LPGAT1: variants seen among roughly 807,000 people sequenced by gnomAD.
LPGAT1 encodes lysophosphatidylglycerol acyltransferase 1.
Under a neutral mutation model 47.5 loss-of-function variants are expected in LPGAT1, and 11 were observed. The observed-to-expected ratio is 0.23, with a 90% confidence interval of 0.15 to 0.38. The LOEUF is 0.38. Among genes scored for constraint, LPGAT1 ranks in the 10% least tolerant of loss-of-function variants. The pLI is 1.00. For synonymous variants in LPGAT1, 138 were observed against 144.2 expected, an observed-to-expected ratio of 0.96 and a Z score of 0.31; for missense variants, 293 against 439.0, an observed-to-expected ratio of 0.67 and a Z score of 2.97.
In LPGAT1 at chr1:211,811,085, G is replaced by C. The variant is rs145017537; in HGVS notation, c.239-17895C>G. ...TCTCTTGCTGATATTTGGAAACACA[G>C]ACCCAGGCTACCATATCCTCCAATT... is the stretch of plus-strand genomic sequence containing the variant. On this transcript the variant is annotated intron_variant, in intron 2 of 7. Transcript: ENST00000366997. Among the ~76,000 whole-genome samples the C allele has an allele frequency of 7.9e-3, 1,209 of 152,322 alleles. 8 individuals are homozygous for C. The highest frequency in any genetic ancestry group is 0.014 in the Non-Finnish European group (983 of 68,026).
At chr1:211,755,557 A>T (rs1301194631) in intron 6 of LPGAT1, among the ~76,000 whole-genome samples, 5 of 151,920 alleles carry the variant, frequency 3.3e-5, no homozygotes, top group South Asian at 4.1e-4. Context: ...ACAGAAAAAA[A>T]ATAGAGGAAA....
rs752928646 is a variant in LPGAT1, at chr1:211,750,065, A to G, written c.962-15T>C. ...TGGAAAAGCTCCTAAAAGACAAGAT[A>G]GAAATATTAGTTTGTTTTACTGTAA... On this transcript the variant is annotated splice_polypyrimidine_tract_variant and intron_variant, in intron 7 of 7. Transcript: ENST00000366997. 6.2e-7 allele frequency: 1 copy of G among 1,607,596 alleles called. No individual in the cohort carries two copies. The highest frequency in any genetic ancestry group is 8.5e-7 in the Non-Finnish European group (1 of 1,177,672).
chr1:211,818,082 G>A (rs1571765508), intron 2 of LPGAT1, among the ~76,000 whole-genome samples: 3 of 152,000 alleles, frequency 2.0e-5, no homozygotes, highest in South Asian at 2.1e-4. Context: ...TGATCCACCC[G>A]CCTTGGCCTT....
chr1:211,825,186 TTC>T (rs1486150215), intron 2 of LPGAT1, among the ~76,000 whole-genome samples: 1 of 125,130 alleles, frequency 8.0e-6, no homozygotes, highest in East Asian at 2.3e-4. Flanking sequence ...ATGCACAGTC[TTC>T]TTTTTTTTTT....
chr1:211,824,135 C>G (rs546272004), intron 2 of LPGAT1, among the ~76,000 whole-genome samples: 1 of 152,048 alleles, frequency 6.6e-6, no homozygotes, highest in Admixed American at 6.5e-5. Context: ...TGGCTCACCA[C>G]GCCTGTAATC....
chr1:211,825,967 A>AG, intron 2 of LPGAT1, among the ~76,000 whole-genome samples: 1 of 152,342 alleles, frequency 6.6e-6, no homozygotes, highest in East Asian at 1.9e-4. Flanking sequence ...CTCAAAAAAA[A>AG]AAAGGAAAAT....
At chr1:211,783,557 A>G (rs1658727416) in intron 4 of LPGAT1, 55 bp from the exon 5 acceptor site, 1 of 1,466,448 alleles carries the variant, frequency 6.8e-7, no homozygotes, top group Non-Finnish European at 9.2e-7. Flanking sequence ...TTAAAATGCC[A>G]TAAAATTAAA....
intron 3 of LPGAT1, among the ~76,000 whole-genome samples, chr1:211,788,359 C>T (rs1658971061): frequency 6.6e-6 from 1 of 152,040 alleles, no homozygotes; most frequent in South Asian, 2.1e-4. Context: ...ATATTGAGGG[C>T]AGAAGACTTT....
chr1:211,824,492 CA>C (rs1005909198), intron 2 of LPGAT1, among the ~76,000 whole-genome samples: 1 of 152,132 alleles, frequency 6.6e-6, no homozygotes, highest in Non-Finnish European at 1.5e-5. Context: ...AAGGAAGATC[CA>C]TCAAGTGGGC....
intron 2 of LPGAT1, among the ~76,000 whole-genome samples, chr1:211,799,969 C>T (rs949273543): frequency 2.0e-5 from 3 of 152,082 alleles, no homozygotes; most frequent in African/African-American, 7.2e-5. Flanking sequence ...ATCTCTAAGT[C>T]CAGTGGACTC....
chr1:211,816,163 T>A (rs889160410), intron 2 of LPGAT1, among the ~76,000 whole-genome samples: 3 of 152,054 alleles, frequency 2.0e-5, no homozygotes, highest in Admixed American at 6.6e-5. Flanking sequence ...ATTTCAGTGT[T>A]CCTTTCTCAA....
chr1:211,787,437 G>A (rs1274988444), intron 4 of LPGAT1, among the ~76,000 whole-genome samples, 195 bp downstream of exon 4: 2 of 148,510 alleles, frequency 1.3e-5, no homozygotes, highest in Non-Finnish European at 3.0e-5. Context: ...ACAGTGAGCC[G>A]AGATGGTGCC....
chr1:211,823,333 A>T (rs952169162), intron 2 of LPGAT1, among the ~76,000 whole-genome samples: 3 of 152,220 alleles, frequency 2.0e-5, no homozygotes, highest in Admixed American at 1.3e-4. Flanking sequence ...TAGCTAATAT[A>T]ATCACCACAA....
chr1:211,829,516 T>A, intron 1 of LPGAT1, 193 bp from the exon 2 acceptor site: 1 of 1,422,804 alleles, frequency 7.0e-7, no homozygotes, highest in Non-Finnish European at 9.1e-7. Context: ...CCGCACAAGG[T>A]CAAGGGAGCT....
chr1:211,770,139 T>G (rs1314293105), intron 6 of LPGAT1, among the ~76,000 whole-genome samples: 2 of 152,236 alleles, frequency 1.3e-5, no homozygotes, highest in Non-Finnish European at 2.9e-5. Context: ...CCTCTACTAA[T>G]GGACATTTAG....
At position 211,743,993 on chromosome 1, in the gene LPGAT1, A is replaced by G. The variant is rs1383890242; in HGVS notation, c.*5906T>C. On this transcript the variant is annotated 3_prime_UTR_variant, in exon 8 of 8. Transcript: ENST00000366997. The stretch of plus-strand genomic sequence containing the variant: ...CTATACCACAGTTTACTTAGCTTTG[A>G]GAAATGAAAAGTATAAAGACAACTT... 1 of 152,224 alleles carries G rather than the reference A, an allele frequency of 6.6e-6. No homozygotes were observed. Among genetic ancestry groups the G allele is most frequent in the Non-Finnish European group, 1.5e-5 (1 of 68,036 alleles). 9.4% of individuals were successfully genotyped at this position (152,224 alleles called of 1,614,324 possible).
At chr1:211,770,533 C>T (rs377412369) in intron 6 of LPGAT1, among the ~76,000 whole-genome samples, 1 of 152,156 alleles carries the variant, frequency 6.6e-6, no homozygotes, top group Non-Finnish European at 1.5e-5. Flanking sequence ...CAGTCAACGA[C>T]GGACTGCATA....
intron 3 of LPGAT1, among the ~76,000 whole-genome samples, 193 bp downstream of exon 3, chr1:211,792,879 T>C (rs189356394): frequency 8.5e-5 from 13 of 152,084 alleles, no homozygotes; most frequent in African/African-American, 2.7e-4. Context: ...GCCCAGCTAA[T>C]TTCTGTATTT....
Position 211,751,853 on chromosome 1 carries a change from C to T in LPGAT1, c.855-786G>A, listed in dbSNP as rs368509705. 7.9e-5 allele frequency among the ~76,000 whole-genome samples: 12 copies of T among 152,134 alleles called. No individual in the cohort carries two copies. The East Asian group carries it at 9.6e-4, about 12-fold the overall frequency. On this transcript the variant is annotated intron_variant, in intron 6 of 7. Coordinates refer to ENST00000366997, the MANE Select transcript of LPGAT1 (RefSeq NM_014873.3). Reference sequence around the variant, plus strand: ...AAAATGGGAGTCCTGTCCCTCTTCCCTTCATTTCTGCCCTCCCCAGAATTG... The same window carrying T: ...AAAATGGGAGTCCTGTCCCTCTTCCTTTCATTTCTGCCCTCCCCAGAATTG...
Sources: allele counts gnomAD v4.1 joint callset (sites outside exome capture counted in the v4.1 genomes callset), GRCh38; gene constraint gnomAD v4.1.1; transcripts MANE v1.5; gene names NCBI Gene and HGNC (gene_info 2026-07-23, HGNC 2026-07-21).